Variants in SRGAP1 observed in about 807,000 individuals in gnomAD.
SRGAP1 encodes the protein SLIT-ROBO Rho GTPase activating protein 1, also known as SLIT-ROBO Rho GTPase-activating protein 1.
In SRGAP1, 43 loss-of-function variants were observed where a neutral mutation model predicts 121.9. The observed-to-expected ratio is 0.35, with a 90% CI of 0.28 to 0.46. The LOEUF (loss-of-function observed/expected upper bound fraction) is 0.46, where lower values mean the gene tolerates loss of function less well. SRGAP1 is among the 20% of genes least tolerant of loss of function. SRGAP1 has a pLI of 1.00. For missense variants in SRGAP1, 1,102 were observed against 1,350.9 expected (o/e 0.82, Z 2.89); for synonymous variants, 447 against 485.4 (o/e 0.92, Z 1.04).
At chr12:64,109,089 C>A in intron 16 of SRGAP1, 52 bp downstream of exon 16, 1 of 1,241,730 alleles carries the variant, frequency 8.1e-7, no homozygotes, top group South Asian at 1.8e-5. Flanking sequence ...TGTCTTTGTT[C>A]TTCGATCCTG....
At chr12:64,053,055 T>C (rs2035268373) in intron 6 of SRGAP1, among the ~76,000 whole-genome samples, 1 of 152,210 alleles carries the variant, frequency 6.6e-6, no homozygotes, top group Non-Finnish European at 1.5e-5. Flanking sequence ...GCACAAATAT[T>C]GTACAGTCTG....
chr12:64,070,931 T>C (rs2035625604), intron 8 of SRGAP1, among the ~76,000 whole-genome samples: 3 of 152,180 alleles, frequency 2.0e-5, no homozygotes, highest in African/African-American at 7.2e-5. Context: ...CTTTTGAGAC[T>C]TGATATAAGA....
chr12:64,077,297 A>C (rs969153144), intron 8 of SRGAP1, among the ~76,000 whole-genome samples: 1 of 152,060 alleles, frequency 6.6e-6, no homozygotes, highest in Non-Finnish European at 1.5e-5. Context: ...TTAGTAAATG[A>C]AGGTGAAATA....
At chr12:64,050,413 C>T (rs149832353) in intron 6 of SRGAP1, among the ~76,000 whole-genome samples, 48 of 151,924 alleles carry the variant, frequency 3.2e-4, no homozygotes, top group African/African-American at 1.1e-3. Context: ...ACATTCTTAC[C>T]ATCTAAGATC....
chr12:64,002,534 A>G (rs1364438795), intron 3 of SRGAP1, among the ~76,000 whole-genome samples: 1 of 152,208 alleles, frequency 6.6e-6, no homozygotes, highest in African/African-American at 2.4e-5. Flanking sequence ...CAGAAGGGGT[A>G]AAGGTTGAGA....
At chr12:64,068,375 A>G (rs1487982995) in intron 8 of SRGAP1, among the ~76,000 whole-genome samples, 1 of 150,982 alleles carries the variant, frequency 6.6e-6, no homozygotes, top group East Asian at 2.0e-4. Flanking sequence ...TCACTCTGCC[A>G]CCCAGGCTGG....
At chr12:63,933,040 T>C (rs1408274228) in intron 1 of SRGAP1, among the ~76,000 whole-genome samples, 1 of 152,068 alleles carries the variant, frequency 6.6e-6, no homozygotes, top group African/African-American at 2.4e-5. Context: ...ATACAAAAAT[T>C]AGCTGGACTT....
At chr12:64,138,446 CTTTT>C (rs60769104) in intron 21 of SRGAP1, among the ~76,000 whole-genome samples, 3 of 78,670 alleles carry the variant, frequency 3.8e-5, no homozygotes, top group South Asian at 4.5e-4. Context: ...AATAAATTGA[CTTTT>C]TTTTTTTTTT....
chr12:63,903,026 GGTACT>G (rs1343136712), intron 1 of SRGAP1, among the ~76,000 whole-genome samples: 1 of 152,014 alleles, frequency 6.6e-6, no homozygotes, highest in Non-Finnish European at 1.5e-5. Context: ...GGTTTTTACA[GGTACT>G]GTATGTCTGA....
chr12:63,902,839 A>G (rs1393408023), intron 1 of SRGAP1, among the ~76,000 whole-genome samples: 1 of 152,146 alleles, frequency 6.6e-6, no homozygotes, highest in African/African-American at 2.4e-5. Context: ...TCCTAAACTG[A>G]ACTGATCTTT....
intron 4 of SRGAP1, among the ~76,000 whole-genome samples, chr12:64,028,002 C>T (rs1381944121): frequency 6.6e-6 from 1 of 152,184 alleles, no homozygotes; most frequent in Non-Finnish European, 1.5e-5. Context: ...CTAATACACA[C>T]ATGTAATGTT....
chr12:64,010,231 G>A (rs2034211894), intron 3 of SRGAP1, among the ~76,000 whole-genome samples: 1 of 152,078 alleles, frequency 6.6e-6, no homozygotes, highest in Admixed American at 6.5e-5. Context: ...TTCTTGACTG[G>A]TCATCACAGT....
intron 4 of SRGAP1, among the ~76,000 whole-genome samples, chr12:64,032,209 C>T (rs2034797008): frequency 6.6e-6 from 1 of 151,992 alleles, no homozygotes; most frequent in African/African-American, 2.4e-5. Context: ...AGTGCTTCTC[C>T]CACTGGAAGA....
chr12:63,861,206 A>G (rs1235574379), intron 1 of SRGAP1, among the ~76,000 whole-genome samples: 2 of 145,366 alleles, frequency 1.4e-5, no homozygotes, highest in African/African-American at 2.6e-5. Flanking sequence ...AGAGACAGGG[A>G]TTCACTATGT....
chr12:64,010,611 T>C (rs2034224277), intron 3 of SRGAP1, among the ~76,000 whole-genome samples: 1 of 152,060 alleles, frequency 6.6e-6, no homozygotes, highest in Non-Finnish European at 1.5e-5. Flanking sequence ...AGCACCAAAG[T>C]AGGCACTGGG....
At chr12:63,913,194 CTTTTTTTTTTTTT>C (rs759566545) in intron 1 of SRGAP1, among the ~76,000 whole-genome samples, 10 of 59,012 alleles carry the variant, frequency 1.7e-4, no homozygotes, top group African/African-American at 4.6e-4. Context: ...GTAAATCCTT[CTTTTTTTTTTTTT>C]TTTTTTTTTT....
chr12:63,871,601 T>C, intron 1 of SRGAP1: 1 of 513,490 alleles, frequency 1.9e-6, no homozygotes, highest in Non-Finnish European at 3.5e-6. Flanking sequence ...TTATGGCTCA[T>C]GCAAGTTAGT....
intron 1 of SRGAP1, among the ~76,000 whole-genome samples, chr12:63,914,620 C>G (rs973608130): frequency 6.6e-6 from 1 of 152,114 alleles, no homozygotes; most frequent in Non-Finnish European, 1.5e-5. Context: ...CACTGATTTA[C>G]GTTACTGTAA....
Position 64,125,987 on chromosome 12 carries a change from A to T in SRGAP1, c.2235A>T (p.Pro745=), listed in dbSNP as rs1238882732. The change falls in exon 19 of 22, where the codon CCA becomes CCT. Residue 745 remains proline, a synonymous_variant. Coordinates refer to ENST00000355086, the MANE Select transcript of SRGAP1 (RefSeq NM_020762.4). The part of the protein sequence containing the change: ...EPHTSEDECE[P]IEAIAKFDYV... ...GTGTGTTCGTTGTAGAATGTGAGCC[A>T]ATAGAAGCAATAGCCAAGTTTGACT... is the stretch of plus-strand genomic sequence containing the variant. The T allele has an allele frequency of 1.9e-6, 3 of 1,613,968 alleles. No individual in the cohort carries two copies. The highest frequency in any genetic ancestry group is 2.5e-6 in the Non-Finnish European group (3 of 1,179,882).
Sources: gnomAD v4.1 joint callset for allele counts (sites outside exome capture counted in the v4.1 genomes callset) on GRCh38, gnomAD v4.1.1 for gene constraint, MANE v1.5 for transcripts, NCBI Gene and HGNC (gene_info 2026-07-23, HGNC 2026-07-21) for gene names.